DOK6: variants seen among roughly 807,000 people sequenced by gnomAD.
The protein encoded by DOK6 is downstream of tyrosine kinase 6.
A neutral mutation model predicts 44.0 loss-of-function variants in DOK6; 22 were observed. The ratio of observed to expected loss-of-function variants is 0.50; its 90% CI spans 0.36 to 0.71. The LOEUF is 0.71. Among genes scored for constraint, DOK6 ranks in the 30% least tolerant of loss-of-function variants. DOK6 has a pLI of 0.00. For missense variants in DOK6, 340 were observed against 416.4 expected (o/e 0.82, Z 1.60); for synonymous variants, 166 against 145.5 (o/e 1.14, Z -1.01).
At chr18:69,768,438 A>G (rs1979785400) in intron 7 of DOK6, among the ~76,000 whole-genome samples, 1 of 151,714 alleles carries the variant, frequency 6.6e-6, no homozygotes, top group Admixed American at 6.6e-5. Context: ...ATTGTAAACT[A>G]CAAAGAAGAA....
intron 5 of DOK6, 75 bp from the exon 6 acceptor site, chr18:69,738,890 C>T: frequency 6.4e-7 from 1 of 1,563,906 alleles, no homozygotes; most frequent in Non-Finnish European, 8.7e-7. Flanking sequence ...AGGGCAAGGG[C>T]TTTGTCTACG....
At chr18:69,681,564 A>C (rs1986045825) in intron 4 of DOK6, among the ~76,000 whole-genome samples, 1 of 152,222 alleles carries the variant, frequency 6.6e-6, no homozygotes. Context: ...ACACACACAC[A>C]CACACAGAGG....
At chr18:69,740,083 T>C (rs534247001) in intron 6 of DOK6, among the ~76,000 whole-genome samples, 1 of 152,198 alleles carries the variant, frequency 6.6e-6, no homozygotes, top group East Asian at 1.9e-4. Context: ...TGGGGTACGG[T>C]TAAAAAAGAG....
At chr18:69,663,803 G>A (rs890967531) in intron 3 of DOK6, among the ~76,000 whole-genome samples, 3 of 152,142 alleles carry the variant, frequency 2.0e-5, no homozygotes, top group Non-Finnish European at 4.4e-5. Flanking sequence ...TGACTCTGGT[G>A]GCTGTCTTTA....
At chr18:69,588,499 G>A (rs1305633629) in intron 2 of DOK6, among the ~76,000 whole-genome samples, 1 of 152,086 alleles carries the variant, frequency 6.6e-6, no homozygotes, top group Admixed American at 6.6e-5. Flanking sequence ...AGGAAGGCTG[G>A]TTTTATCATG....
chr18:69,522,579 A>G (rs1981717264), intron 1 of DOK6, among the ~76,000 whole-genome samples: 1 of 152,056 alleles, frequency 6.6e-6, no homozygotes, highest in Admixed American at 6.6e-5. Flanking sequence ...AAAATTAATG[A>G]TTAATTAAAG....
chr18:69,657,745 G>A (rs1379378292), intron 3 of DOK6, among the ~76,000 whole-genome samples: 1 of 152,146 alleles, frequency 6.6e-6, no homozygotes, highest in Non-Finnish European at 1.5e-5. Flanking sequence ...GAAGGAAATA[G>A]TAAATTCGTG....
intron 1 of DOK6, among the ~76,000 whole-genome samples, chr18:69,511,519 AG>A (rs1296538325): frequency 3.3e-5 from 5 of 152,344 alleles, no homozygotes; most frequent in African/African-American, 1.2e-4. Flanking sequence ...CAGATATTAA[AG>A]GAGATGAAGC....
intron 1 of DOK6, among the ~76,000 whole-genome samples, chr18:69,420,381 C>A (rs1365772083): frequency 6.6e-6 from 1 of 152,074 alleles, no homozygotes; most frequent in Non-Finnish European, 1.5e-5. Context: ...TATTAGGAAT[C>A]ATCCCAACAA....
At chr18:69,723,737 T>C (rs541090377) in intron 5 of DOK6, among the ~76,000 whole-genome samples, 2 of 152,322 alleles carry the variant, frequency 1.3e-5, no homozygotes, top group African/African-American at 2.4e-5. Context: ...ATGTTCAAAA[T>C]GTGTTCATAT....
At chr18:69,585,781 A>C (rs73970183) in intron 2 of DOK6, among the ~76,000 whole-genome samples, 103 of 152,352 alleles carry the variant, frequency 6.8e-4, no homozygotes, top group African/African-American at 2.5e-3. Flanking sequence ...AACTTGAATA[A>C]CATTCATAGA....
intron 5 of DOK6, among the ~76,000 whole-genome samples, chr18:69,717,544 G>A (rs1489647908): frequency 6.6e-6 from 1 of 152,190 alleles, no homozygotes; most frequent in Non-Finnish European, 1.5e-5. Flanking sequence ...TTCCCAAGAG[G>A]AGGGAGCATG....
Position 69,474,241 on chromosome 18 carries a change from C to G in DOK6, c.66+72931C>G, listed in dbSNP as rs2122493307. On this transcript the variant is annotated intron_variant, in intron 1 of 7. Coordinates refer to ENST00000382713, the MANE Select transcript of DOK6 (RefSeq NM_152721.6). ...TGCTCTGTCTTCTTTCCTCTCCTTT[C>G]TTCTCCCTTCTTCTCCATCCCCCTT... Among the ~76,000 whole-genome samples, 2 of 152,200 alleles carry G rather than the reference C, an allele frequency of 1.3e-5. 1 individual carries two copies.
intron 1 of DOK6, among the ~76,000 whole-genome samples, chr18:69,457,424 G>A (rs1979660404): frequency 6.6e-6 from 1 of 152,130 alleles, no homozygotes. Context: ...TCTGTTGCTT[G>A]TTTTTGTTGG....
At chr18:69,751,046 T>A (rs1055682438) in intron 6 of DOK6, among the ~76,000 whole-genome samples, 2 of 152,030 alleles carry the variant, frequency 1.3e-5, no homozygotes, top group African/African-American at 2.4e-5. Flanking sequence ...ATAAATGGAA[T>A]CTAAATCAAT....
chr18:69,777,713 C>G (rs889835729), intron 7 of DOK6, among the ~76,000 whole-genome samples: 1 of 132,550 alleles, frequency 7.5e-6, no homozygotes, highest in Admixed American at 8.7e-5. Flanking sequence ...CACTTCACAA[C>G]AAGTATTAGG....
intron 2 of DOK6, among the ~76,000 whole-genome samples, chr18:69,593,321 G>C (rs1280393953): frequency 1.3e-5 from 2 of 151,750 alleles, no homozygotes; most frequent in Non-Finnish European, 2.9e-5. Flanking sequence ...GCAGTGAGCT[G>C]TGATCTCACC....
chr18:69,737,224 T>C (rs1259369476), intron 5 of DOK6, among the ~76,000 whole-genome samples: 1 of 152,176 alleles, frequency 6.6e-6, no homozygotes, highest in Non-Finnish European at 1.5e-5. Context: ...GAGGTTTAAT[T>C]GACTTAGTTG....
At chr18:69,662,988 T>C (rs1985567214) in intron 3 of DOK6, 1 of 152,240 alleles carries the variant, frequency 6.6e-6, no homozygotes, top group Non-Finnish European at 1.5e-5. Flanking sequence ...TCCAAAATTA[T>C]TTGTTTTATC....
Sources: gnomAD v4.1 joint callset for allele counts (sites outside exome capture counted in the v4.1 genomes callset) on GRCh38, gnomAD v4.1.1 for gene constraint, MANE v1.5 for transcripts, NCBI Gene and HGNC (gene_info 2026-07-23, HGNC 2026-07-21) for gene names.